Variants in PARN observed in about 807,000 individuals in gnomAD.
PARN encodes the protein poly(A)-specific ribonuclease PARN.
In PARN, 71 loss-of-function variants were observed where a neutral mutation model predicts 102.8. The ratio of observed to expected loss-of-function variants is 0.69; its 90% CI spans 0.57 to 0.84. The LOEUF (loss-of-function observed/expected upper bound fraction) is 0.84. Among genes scored for constraint, PARN ranks in the 40% least tolerant of loss-of-function variants. PARN has a pLI of 0.00. For synonymous variants in PARN, 261 were observed against 252.9 expected (o/e 1.03, Z -0.30); for missense variants, 782 against 760.9 (o/e 1.03, Z -0.33).
Position 14,630,103 on chromosome 16 carries a change from G to A in PARN, c.19+4C>T, listed in dbSNP as rs748893191. ...AGGCGGGGAGGTGTACGGCGGACAC[G>A]CACTGCTCCTGATTATCTCCATTCT... On this transcript the variant is annotated splice_donor_region_variant and intron_variant, in intron 1 of 23. Transcript: ENST00000437198. The A allele has an allele frequency of 3.5e-5, 55 of 1,559,662 alleles. No individual in the cohort carries two copies. Among genetic ancestry groups the A allele is most frequent in the Non-Finnish European group, 4.4e-5 (51 of 1,150,770 alleles).
chr16:14,534,938 G>A (rs1046539611), intron 21 of PARN, among the ~76,000 whole-genome samples: 8 of 151,424 alleles, frequency 5.3e-5, no homozygotes, highest in East Asian at 1.9e-4. Flanking sequence ...GGGTCCAAGC[G>A]ATTCTCCTGC....
Position 14,552,010 on chromosome 16 carries a change from A to G in PARN, c.1480+11T>C. On this transcript the variant is annotated intron_variant, in intron 21 of 23. Transcript: ENST00000437198. ...TATTTAATACACAAAACAGAAATCC[A>G]AAACACTTACCAATCTTTACTTGCT... 6.3e-7 allele frequency: 1 copy of G among 1,598,358 alleles called. No homozygotes were observed. The highest frequency in any genetic ancestry group is 8.6e-7 in the Non-Finnish European group (1 of 1,166,490).
At chr16:14,549,488 G>A (rs1456101836) in intron 21 of PARN, among the ~76,000 whole-genome samples, 4 of 152,140 alleles carry the variant, frequency 2.6e-5, no homozygotes, top group Non-Finnish European at 4.4e-5. Context: ...ATTCTGAAAT[G>A]TAGCTCCCTG....
chr16:14,554,135 A>G lies in PARN; in HGVS notation c.1335T>C (p.Asp445=), dbSNP rs1463679404. The G allele has an allele frequency of 6.2e-7, 1 of 1,613,028 alleles. No individual in the cohort carries two copies. Among genetic ancestry groups the G allele is most frequent in the Non-Finnish European group, 8.5e-7 (1 of 1,179,286 alleles). The change falls in exon 20 of 24, where the codon GAT becomes GAC. Residue 445 remains aspartate (D), a synonymous_variant. Coordinates refer to ENST00000437198, the MANE Select transcript of PARN (RefSeq NM_002582.4). ...LEGPDLQPKR[D]HVLHVTFPKE... is the part of the protein sequence containing the mutation. ...TGGGGAATGTCACATGGAGAACATG[A>G]TCACGTTTAGGCTGCACTACAAGAC... is the stretch of plus-strand genomic sequence containing the variant.
intron 18 of PARN, among the ~76,000 whole-genome samples, chr16:14,565,630 C>T (rs1433892049): frequency 6.6e-6 from 1 of 152,230 alleles, no homozygotes; most frequent in Admixed American, 6.5e-5. Flanking sequence ...AGTCTGTGCT[C>T]AGGCCAAACA....
intron 6 of PARN, among the ~76,000 whole-genome samples, chr16:14,615,628 C>T (rs751792729): frequency 5.9e-5 from 9 of 152,078 alleles, no homozygotes; most frequent in Non-Finnish European, 1.2e-4. Context: ...GGGCCAGGCC[C>T]GGTGGCTCAT....
chr16:14,582,069 G>A (rs1969564369), intron 17 of PARN, 112 bp downstream of exon 17: 3 of 757,198 alleles, frequency 4.0e-6, no homozygotes, highest in African/African-American at 1.7e-5. Context: ...ATAAATGTCT[G>A]TTGTTTAAGC....
At chr16:14,615,837 G>T (rs964797357) in intron 6 of PARN, among the ~76,000 whole-genome samples, 35 of 151,522 alleles carry the variant, frequency 2.3e-4, no homozygotes, top group Non-Finnish European at 8.8e-5. Context: ...TTAGGTGGAG[G>T]CTGCGGTGAG....
At chr16:14,476,214 T>C (rs1404753304) in intron 22 of PARN, among the ~76,000 whole-genome samples, 1 of 152,168 alleles carries the variant, frequency 6.6e-6, no homozygotes, top group African/African-American at 2.4e-5. Flanking sequence ...GTCAAATTAA[T>C]TTAATATTTT....
chr16:14,444,966 G>A lies in PARN; in HGVS notation c.1864+1922C>T, dbSNP rs1753213396. On this transcript the variant is annotated intron_variant, in intron 23 of 23. Transcript: ENST00000437198. ...CCTGAGTACCTGGGACTACATGCCC[G>A]TGCAGCTAATATTTAAATTTTTTTT... Among the ~76,000 whole-genome samples the A allele has an allele frequency of 2.0e-5, 3 of 150,836 alleles. No homozygotes were observed. The East Asian group carries it at 5.8e-4, about 29-fold the overall frequency.
chr16:14,552,772 A>G (rs1967394873), intron 20 of PARN, among the ~76,000 whole-genome samples: 1 of 151,750 alleles, frequency 6.6e-6, no homozygotes, highest in Admixed American at 6.6e-5. Flanking sequence ...AACATGGAGA[A>G]ACCCCAACTC....
intron 21 of PARN, among the ~76,000 whole-genome samples, chr16:14,483,708 C>T (rs1229401636): frequency 2.0e-5 from 3 of 152,030 alleles, no homozygotes; most frequent in Non-Finnish European, 4.4e-5. Context: ...GAAGGCGCCT[C>T]AGATGTGTAG....
chr16:14,438,943 C>T (rs1303059672), intron 23 of PARN, among the ~76,000 whole-genome samples: 1 of 152,150 alleles, frequency 6.6e-6, no homozygotes, highest in South Asian at 2.1e-4. Context: ...GATCAACAAA[C>T]GGCCAGTCTC....
intron 21 of PARN, among the ~76,000 whole-genome samples, chr16:14,519,298 G>A (rs1379613941): frequency 8.4e-6 from 1 of 119,298 alleles, no homozygotes; most frequent in African/African-American, 3.1e-5. Context: ...AGGGAGGGGA[G>A]GGGAGGGAAG....
intron 22 of PARN, among the ~76,000 whole-genome samples, chr16:14,470,498 C>T (rs902677465): frequency 1.3e-5 from 2 of 150,930 alleles, no homozygotes; most frequent in African/African-American, 4.9e-5. Flanking sequence ...ACTCAGTCAC[C>T]CTCGGCCAGA....
chr16:14,553,262 A>C (rs1201794969), intron 20 of PARN, among the ~76,000 whole-genome samples: 1 of 150,114 alleles, frequency 6.7e-6, no homozygotes, highest in Non-Finnish European at 1.5e-5. Context: ...TATTTAAAAA[A>C]AAAAAAAAAA....
At chr16:14,525,665 C>G (rs1965959234) in intron 21 of PARN, among the ~76,000 whole-genome samples, 1 of 152,144 alleles carries the variant, frequency 6.6e-6, no homozygotes, top group Admixed American at 6.5e-5. Context: ...CAGAGCCGCT[C>G]AGTGAATCCA....
intron 22 of PARN, among the ~76,000 whole-genome samples, chr16:14,456,034 C>T (rs560277869): frequency 7.9e-5 from 12 of 152,276 alleles, no homozygotes; most frequent in South Asian, 6.2e-4. Context: ...GGAATTCCTG[C>T]ATGGAAAAAC....
At chr16:14,627,907 G>C (rs1211358269) in intron 3 of PARN, among the ~76,000 whole-genome samples, 3 of 152,204 alleles carry the variant, frequency 2.0e-5, no homozygotes. Flanking sequence ...TACTTGGGAG[G>C]CTGTGGCAGG....
Sources: allele counts gnomAD v4.1 joint callset (sites outside exome capture counted in the v4.1 genomes callset), GRCh38; gene constraint gnomAD v4.1.1; transcripts MANE v1.5; gene names NCBI Gene and HGNC (gene_info 2026-07-23, HGNC 2026-07-21).